RYR2: variants seen among roughly 807,000 people sequenced by gnomAD.
The protein encoded by RYR2 is ryanodine receptor 2, also known as cardiac muscle ryanodine receptor-calcium release channel.
A neutral mutation model predicts 601.1 loss-of-function variants in RYR2; 227 were observed. The observed-to-expected ratio is 0.38, with a 90% CI of 0.34 to 0.42. The LOEUF is 0.42. RYR2 is among the 10% of genes least tolerant of loss of function. The pLI, the probability that RYR2 is intolerant of heterozygous loss-of-function variation, is 1.00. For missense variants in RYR2, 4,646 were observed against 6,156.5 expected (o/e 0.75, Z 8.21); for synonymous variants, 2,223 against 2,175.1 (o/e 1.02, Z -0.61).
intron 27 of RYR2, among the ~76,000 whole-genome samples, chr1:237,556,357 T>C (rs1243925499): frequency 6.6e-6 from 1 of 151,350 alleles, no homozygotes; most frequent in Non-Finnish European, 1.5e-5. Context: ...TGGAGTGCAG[T>C]GGTGCAATCT....
chr1:237,720,949 AT>A (rs1689671440), intron 73 of RYR2, among the ~76,000 whole-genome samples: 1 of 152,198 alleles, frequency 6.6e-6, no homozygotes, highest in Non-Finnish European at 1.5e-5. Context: ...GATTGTCCAT[AT>A]TTCACCTCCA....
intron 12 of RYR2, among the ~76,000 whole-genome samples, chr1:237,434,658 T>C (rs1029097881): frequency 4.6e-5 from 7 of 152,232 alleles, no homozygotes; most frequent in Admixed American, 2.0e-4. Flanking sequence ...GGCGATTTCC[T>C]CTGGTTTTTC....
chr1:237,446,546 ATT>A (rs35142699), intron 14 of RYR2, among the ~76,000 whole-genome samples: 9 of 150,972 alleles, frequency 6.0e-5, no homozygotes, highest in South Asian at 2.1e-4. Context: ...GAATTGGTAA[ATT>A]TTTTTTTTGG....
chr1:237,204,047 G>T (rs1178176463), intron 1 of RYR2, among the ~76,000 whole-genome samples: 1 of 152,194 alleles, frequency 6.6e-6, no homozygotes, highest in Non-Finnish European at 1.5e-5. Context: ...GTCTTGCTCT[G>T]TTGCCCAGGC....
At chr1:237,717,085 C>A in intron 71 of RYR2, 113 bp from the exon 72 acceptor site, 1 of 910,928 alleles carries the variant, frequency 1.1e-6, no homozygotes, top group Non-Finnish European at 1.6e-6. Context: ...ATTTTCAAAA[C>A]TAGGGAGCAG....
intron 1 of RYR2, among the ~76,000 whole-genome samples, chr1:237,090,578 A>C (rs1353752544): frequency 4.6e-5 from 7 of 152,256 alleles, no homozygotes; most frequent in Non-Finnish European, 4.4e-5. Flanking sequence ...CTATAAAATA[A>C]ATTTGCATTG....
chr1:237,187,010 G>A (rs560883066), intron 1 of RYR2, among the ~76,000 whole-genome samples: 2 of 152,256 alleles, frequency 1.3e-5, no homozygotes, highest in South Asian at 4.2e-4. Flanking sequence ...CAAGTGAAGG[G>A]AACTTGTGGA....
intron 1 of RYR2, among the ~76,000 whole-genome samples, chr1:237,260,199 T>G (rs775925723): frequency 6.6e-6 from 1 of 152,206 alleles, no homozygotes; most frequent in African/African-American, 2.4e-5. Context: ...TCTAAAAGGA[T>G]GACCTGGCTA....
At chr1:237,747,828 A>T (rs138558813) in intron 80 of RYR2, among the ~76,000 whole-genome samples, 1 of 152,218 alleles carries the variant, frequency 6.6e-6, no homozygotes, top group Non-Finnish European at 1.5e-5. Flanking sequence ...TATTCCTTAT[A>T]TCAAGAAAAT....
At chr1:237,562,832 C>T (rs1162172394) in intron 27 of RYR2, among the ~76,000 whole-genome samples, 8 of 152,100 alleles carry the variant, frequency 5.3e-5, no homozygotes, top group Non-Finnish European at 1.5e-5. Flanking sequence ...TGACAGGATG[C>T]TACCCATTAG....
chr1:237,671,913 GCCCA>G (rs536957026), intron 58 of RYR2, among the ~76,000 whole-genome samples: 322 of 152,232 alleles, frequency 2.1e-3, no homozygotes, highest in African/African-American at 7.4e-3. Flanking sequence ...GCCACAGACA[GCCCA>G]CTGCTGTCAA....
intron 1 of RYR2, among the ~76,000 whole-genome samples, chr1:237,141,429 T>C (rs750891313): frequency 5.3e-5 from 8 of 152,182 alleles, no homozygotes; most frequent in Non-Finnish European, 8.8e-5. Flanking sequence ...GAGATCTTCC[T>C]AATGAGGCGT....
chr1:237,181,259 C>T (rs1031162289), intron 1 of RYR2, among the ~76,000 whole-genome samples: 17 of 152,302 alleles, frequency 1.1e-4, no homozygotes, highest in Non-Finnish European at 2.2e-4. Context: ...GCTGGGATTA[C>T]AGGCATGAGC....
chr1:237,193,336 G>A (rs908031895), intron 1 of RYR2, among the ~76,000 whole-genome samples: 2 of 152,014 alleles, frequency 1.3e-5, no homozygotes, highest in Admixed American at 6.6e-5. Flanking sequence ...GCATGGTGGC[G>A]GGAGCCTGTA....
chr1:237,260,357 C>T (rs1688394527), intron 1 of RYR2, among the ~76,000 whole-genome samples: 1 of 152,186 alleles, frequency 6.6e-6, no homozygotes, highest in South Asian at 2.1e-4. Context: ...AGGTGAAAAA[C>T]TTCACATTAA....
chr1:237,560,922 G>A (rs1331084149), intron 27 of RYR2, among the ~76,000 whole-genome samples: 3 of 152,160 alleles, frequency 2.0e-5, no homozygotes, highest in Non-Finnish European at 2.9e-5. Flanking sequence ...CAATCTGTTC[G>A]GTGCATGTGT....
At chr1:237,696,718 G>A (rs1687480895) in intron 63 of RYR2, among the ~76,000 whole-genome samples, 2 of 145,220 alleles carry the variant, frequency 1.4e-5, no homozygotes, top group South Asian at 2.2e-4. Context: ...CAGTGGTGCC[G>A]CCTTTCACCT....
chr1:237,050,531 T>C (rs1390026896), intron 1 of RYR2, among the ~76,000 whole-genome samples: 1 of 152,232 alleles, frequency 6.6e-6, no homozygotes, highest in African/African-American at 2.4e-5. Flanking sequence ...AGCACTTTTT[T>C]TCCTTTAACA....
At chr1:237,100,616 CCCCAAGTCATCCACCTGCCTCAGCCT>C (rs1475494969) in intron 1 of RYR2, among the ~76,000 whole-genome samples, 1 of 152,064 alleles carries the variant, frequency 6.6e-6, no homozygotes, top group Non-Finnish European at 1.5e-5. Context: ...TAATTCCTGA[CCCCAAGTCATCCACCTGCCTCAGCCT>C]CCCAAACTTC....
Sources: gnomAD v4.1 joint callset for allele counts (sites outside exome capture counted in the v4.1 genomes callset) on GRCh38, gnomAD v4.1.1 for gene constraint, MANE v1.5 for transcripts, NCBI Gene and HGNC (gene_info 2026-07-23, HGNC 2026-07-21) for gene names.